The following LONRF3 variants were observed in gnomAD, a reference collection of about 807,000 sequenced individuals.
LONRF3 encodes the protein LON peptidase N-terminal domain and RING finger protein 3.
In LONRF3, 19 loss-of-function variants were observed where a neutral mutation model predicts 51.7. That is an observed-to-expected ratio of 0.37 (90% CI 0.26 to 0.54). The LOEUF is 0.54. LONRF3 is among the 20% of genes least tolerant of loss of function. The pLI is 0.86. For synonymous variants in LONRF3, 265 were observed against 257.8 expected (o/e 1.03, Z -0.27); for missense variants, 521 against 623.9 (o/e 0.84, Z 1.76).
In LONRF3 at chrX:118,975,349, G is replaced by A. The variant is rs139436051; in HGVS notation, c.569G>A (p.Arg190Gln). 3 of 1,209,797 alleles carry A rather than the reference G, an allele frequency of 2.5e-6. No homozygotes were observed. The highest frequency in any genetic ancestry group is 3.0e-5 in the East Asian group (1 of 33,745). The change falls in exon 1 of 11, where the codon CGG becomes CAG. Residue 190 changes from arginine (R) to glutamine (Q), a missense_variant. By Grantham distance (43) the Arg-to-Gln change is conservative. Around this residue, in one of 2 missense-constraint regions of LONRF3, gnomAD observed 376 missense variants for 376.7 expected, o/e 1.00. Transcript: ENST00000371628. ...LCLERGRAAD[R>Q]RCALCGVKLS... is the part of the protein sequence containing the mutation. ...CTGGAACGTGGGCGGGCCGCCGACC[G>A]GCGCTGTGCGCTGTGCGGGGTCAAG...
At chrX:118,988,244 T>A (rs1273303429) in intron 3 of LONRF3, among the ~76,000 whole-genome samples, 1 of 111,775 alleles carries the variant, frequency 8.9e-6, no homozygotes, top group Non-Finnish European at 1.9e-5. Flanking sequence ...ATAATTAAGA[T>A]CACTATTAAA....
At chrX:118,993,043 C>T (rs1435450015) in intron 5 of LONRF3, among the ~76,000 whole-genome samples, 2 of 111,402 alleles carry the variant, frequency 1.8e-5, no homozygotes, top group African/African-American at 6.5e-5. Flanking sequence ...TAGACCTTCC[C>T]TCTGACAGAG....
chrX:118,987,195 G>A (rs1955333960), intron 3 of LONRF3: 2 of 537,339 alleles, frequency 3.7e-6, no homozygotes, highest in African/African-American at 4.7e-5. Flanking sequence ...AAGAAATTGA[G>A]TCACTAGTGG....
intron 5 of LONRF3, among the ~76,000 whole-genome samples, chrX:118,994,550 G>A (rs1425024939): frequency 1.8e-5 from 2 of 110,508 alleles, no homozygotes; most frequent in African/African-American, 3.3e-5. Context: ...TTACAGGCAC[G>A]TGCCACCATG....
At chrX:119,004,908 C>T (rs975359382) in intron 5 of LONRF3, among the ~76,000 whole-genome samples, 10 of 112,608 alleles carry the variant, frequency 8.9e-5, no homozygotes, top group African/African-American at 3.2e-4. Flanking sequence ...ATAGAAAAGG[C>T]ACATGACTGA....
chrX:118,985,402 G>A (rs185132545), intron 3 of LONRF3, among the ~76,000 whole-genome samples: 6 of 111,474 alleles, frequency 5.4e-5, no homozygotes, highest in Admixed American at 3.8e-4. Context: ...TTATGGCCCC[G>A]GGTGCTGTGA....
intron 5 of LONRF3, among the ~76,000 whole-genome samples, chrX:118,991,618 A>T (rs892991010): frequency 1.8e-5 from 2 of 112,094 alleles, no homozygotes; most frequent in Non-Finnish European, 3.8e-5. Flanking sequence ...ACAATTTTTT[A>T]AAATTGCTTA....
chrX:118,975,381 G>T lies in LONRF3; in HGVS notation c.601G>T (p.Ala201Ser). 8.3e-7 allele frequency: 1 copy of T among 1,206,659 alleles called. No individual in the cohort carries two copies. The highest frequency in any genetic ancestry group is 1.1e-6 in the Non-Finnish European group (1 of 893,354). The change falls in exon 1 of 11, where the codon GCC (alanine) becomes TCC (serine). Residue 201 changes from alanine to serine, a missense_variant. Physicochemically the swap from Ala to Ser is moderately conservative, Grantham distance 99 (BLOSUM62 1). Around this residue, in one of 2 missense-constraint regions of LONRF3, gnomAD observed 376 missense variants for 376.7 expected, o/e 1.00. Coordinates refer to ENST00000371628, the MANE Select transcript of LONRF3 (RefSeq NM_001031855.3). Reference sequence around the variant, plus strand: ...TGCGCTGTGCGGGGTCAAGCTCTCCGCCTTGATGGTGGCCACTGGGCGGGC... The same window carrying T: ...TGCGCTGTGCGGGGTCAAGCTCTCCTCCTTGATGGTGGCCACTGGGCGGGC... ...RCALCGVKLSALMVATGRARG... is the reference protein window; with the variant it reads ...RCALCGVKLSSLMVATGRARG...
chrX:118,986,703 T>C (rs760406560), intron 3 of LONRF3, among the ~76,000 whole-genome samples: 25 of 111,181 alleles, frequency 2.2e-4, no homozygotes, highest in Non-Finnish European at 4.5e-4. Flanking sequence ...GAGATGGGAG[T>C]ACAAAGTAGA....
chrX:118,989,493 T>C lies in LONRF3; in HGVS notation c.1145T>C (p.Val382Ala). Residue 382 changes from valine to alanine, a missense_variant, in exon 4 of 11, where the codon GTG becomes GCG. Transcript: ENST00000371628. ...AGCAGTCTGATGGACCCAGCTAAAG[T>C]GAAGGGGGATGGTCAGCAGCACCAC... Reference protein sequence around the residue: ...DGSSLMDPAKVKGDGQQHHMK... With the variant: ...DGSSLMDPAKAKGDGQQHHMK... 8.3e-7 allele frequency: 1 copy of C among 1,209,759 alleles called. No homozygotes were observed. The highest frequency in any genetic ancestry group is 3.0e-5 in the East Asian group (1 of 33,770).
At position 119,013,201 on chromosome X, in the gene LONRF3, G is replaced by T; in HGVS notation, c.1974G>T (p.Lys658Asn). Reference sequence around the variant, plus strand: ...ACATTGAATACATTGAAGACCAAAAGGTAAGGGTGGCCAGTGCCAAGAATC... The same window carrying T: ...ACATTGAATACATTGAAGACCAAAATGTAAGGGTGGCCAGTGCCAAGAATC... ...TADIEYIEDQ[K>N]VQGEDCAELM... Residue 658 changes from lysine to asparagine, a missense_variant and splice_region_variant, in exon 9 of 11, where the codon AAG becomes AAT. Lys to Asn is a moderately conservative substitution (Grantham distance 94, BLOSUM62 0). Around this residue, in one of 2 missense-constraint regions of LONRF3, gnomAD observed 145 missense variants for 247.2 expected, o/e 0.59. Transcript: ENST00000371628. 8.3e-7 allele frequency: 1 copy of T among 1,206,132 alleles called. No individual in the cohort carries two copies. The highest frequency in any genetic ancestry group is 1.1e-6 in the Non-Finnish European group (1 of 892,442).
At position 119,014,245 on chromosome X, in the gene LONRF3, T is replaced by G. The variant is rs754025842; in HGVS notation, c.2013T>G (p.His671Gln). Residue 671 changes from histidine (H) to glutamine (Q), a missense_variant, in exon 10 of 11, where the codon CAT (histidine) becomes CAG (glutamine). By Grantham distance (24) the His-to-Gln change is conservative. This residue lies in a region of LONRF3 where 145 missense variants were observed against 247.2 expected (regional missense o/e 0.59). Coordinates refer to ENST00000371628, the MANE Select transcript of LONRF3 (RefSeq NM_001031855.3). ...ATTGTGCTGAGCTCATGGGATTACA[T>G]AACTGTGTCTATCAGCAAGCATCAT... ...GEDCAELMGL[H>Q]NCVYQQASLW... 8.3e-7 allele frequency: 1 copy of G among 1,209,432 alleles called. No homozygotes were observed. Among genetic ancestry groups the G allele is most frequent in the East Asian group, 3.0e-5 (1 of 33,841 alleles).
chrX:119,009,100 T>C (rs780120778), intron 6 of LONRF3, 26 bp from the exon 7 acceptor site: 1 of 1,182,868 alleles, frequency 8.5e-7, no homozygotes. Context: ...TAATTGCATA[T>C]TGTCTAATTG....
intron 3 of LONRF3, among the ~76,000 whole-genome samples, chrX:118,987,983 T>C (rs759285676): frequency 6.7e-4 from 75 of 111,557 alleles, no homozygotes; most frequent in Non-Finnish European, 1.5e-4. Flanking sequence ...TTCCAGGCCC[T>C]GGCTTTCCCG....
rs1871385314 is a variant in LONRF3, at chrX:118,989,497, G to A, written c.1149G>A (p.Lys383=). 5 of 1,209,764 alleles carry A rather than the reference G, an allele frequency of 4.1e-6. No homozygotes were observed. The African/African-American group carries it at 7.0e-5, about 17-fold the overall frequency. ...GTCTGATGGACCCAGCTAAAGTGAA[G>A]GGGGATGGTCAGCAGCACCACATGA... ...GSSLMDPAKV[K]GDGQQHHMKD... The change falls in exon 4 of 11, where the codon AAG becomes AAA. Residue 383 remains lysine (K), a synonymous_variant. Coordinates refer to ENST00000371628, the MANE Select transcript of LONRF3 (RefSeq NM_001031855.3).
At chrX:119,003,731 A>G (rs1191188261) in intron 5 of LONRF3, among the ~76,000 whole-genome samples, 1 of 112,605 alleles carries the variant, frequency 8.9e-6, no homozygotes, top group African/African-American at 3.2e-5. Flanking sequence ...TATAAAGTTT[A>G]GAAATCAACT....
Position 118,989,565 on chromosome X carries a change from C to T in LONRF3, c.1217C>T (p.Pro406Leu). Reference sequence around the variant, plus strand: ...GAGGAGAAGTGGGATGCTACCTCTCCAAAAGCTGCTTCCAGCAAGACTGGA... The same window carrying T: ...GAGGAGAAGTGGGATGCTACCTCTCTAAAAGCTGCTTCCAGCAAGACTGGA... ...EEEEKWDATS[P>L]KAASSKTGKC... The change falls in exon 4 of 11, where the codon CCA becomes CTA. Residue 406 changes from proline to leucine, a missense_variant. This residue lies in a region of LONRF3 where 376 missense variants were observed against 376.7 expected (regional missense o/e 1.00). Transcript: ENST00000371628. The T allele has an allele frequency of 1.7e-6, 2 of 1,211,148 alleles. No homozygotes were observed. The highest frequency in any genetic ancestry group is 2.2e-6 in the Non-Finnish European group (2 of 895,240).
chrX:118,975,236 G>T lies in LONRF3; in HGVS notation c.456G>T (p.Val152=). The T allele has an allele frequency of 8.3e-7, 1 of 1,201,593 alleles. No homozygotes were observed. Among genetic ancestry groups the T allele is most frequent in the Non-Finnish European group, 1.1e-6 (1 of 891,143 alleles). The change falls in exon 1 of 11, where the codon GTG becomes GTT. Residue 152 remains valine, a synonymous_variant. Transcript: ENST00000371628. ...GAAAAAAATE[V]WDGFKCRKCH... ...CCGCGGCTGCGGCGGCCACCGAGGTGTGGGACGGCTTTAAGTGCCGGAAAT... is the reference window on the plus strand; with the variant it reads ...CCGCGGCTGCGGCGGCCACCGAGGTTTGGGACGGCTTTAAGTGCCGGAAAT...
chrX:118,976,551 G>A (rs960718217), intron 1 of LONRF3: 9 of 112,932 alleles, frequency 8.0e-5, no homozygotes, highest in African/African-American at 2.9e-4. Context: ...GGGGACCGTG[G>A]GCTGGCTACG....
Sources: gnomAD v4.1 joint callset for allele counts (sites outside exome capture counted in the v4.1 genomes callset) on GRCh38, gnomAD v4.1.1 for gene constraint, gnomAD v4.1.1 regional missense constraint, MANE v1.5 for transcripts, NCBI Gene and HGNC (gene_info 2026-07-23, HGNC 2026-07-21) for gene names.